The following PGM2 variants were observed in gnomAD, a reference collection of about 807,000 sequenced individuals.
PGM2 encodes phosphoglucomutase 2.
A neutral mutation model predicts 74.6 loss-of-function variants in PGM2; 57 were observed. The ratio of observed to expected loss-of-function variants is 0.76; its 90% CI spans 0.62 to 0.95. The LOEUF (loss-of-function observed/expected upper bound fraction) is 0.95, where lower values mean the gene tolerates loss of function less well. Ranked by LOEUF, PGM2 falls within the 40% of genes least tolerant of loss-of-function variation. The probability of loss-of-function intolerance (pLI) is 0.00; values close to 1 mark genes in which losing one functional copy is unlikely to be tolerated. For missense variants in PGM2, 706 were observed against 741.9 expected (o/e 0.95, Z 0.56); for synonymous variants, 273 against 260.7 (o/e 1.05, Z -0.46).
At chr4:37,849,503 C>T (rs1320902754) in intron 11 of PGM2, among the ~76,000 whole-genome samples, 1 of 144,326 alleles carries the variant, frequency 6.9e-6, no homozygotes, top group Non-Finnish European at 1.5e-5. Flanking sequence ...CCTCTGCCTC[C>T]TGGGTTCAAG....
rs1726004084 is a variant in PGM2 at position 37,850,321 on chromosome 4, C to T, written c.1550C>T (p.Ala517Val). 1.3e-6 allele frequency: 2 copies of T among 1,588,338 alleles called. No individual in the cohort carries two copies. The highest frequency in any genetic ancestry group is 1.4e-5 in the African/African-American group (1 of 72,916). ...GCTTGTGGCAAATTTGAAATTTCTGCCATTAGGGACCTTACAACTGGCTAT... is the reference window on the plus strand; with the variant it reads ...GCTTGTGGCAAATTTGAAATTTCTGTCATTAGGGACCTTACAACTGGCTAT... ...PKACGKFEIS[A>V]IRDLTTGYDD... is the part of the protein sequence containing the mutation. Residue 517 changes from alanine (A) to valine (V), a missense_variant, in exon 12 of 14, where the codon GCC (alanine) becomes GTC (valine). Ala to Val is a moderately conservative substitution (Grantham distance 64). Coordinates refer to ENST00000381967, the MANE Select transcript of PGM2 (RefSeq NM_018290.4).
rs776570516 is a variant in PGM2, at chr4:37,840,113, GA to G, written c.574del (p.Ile192PhefsTer9). 1 of 1,613,996 alleles carries G rather than the reference GA, an allele frequency of 6.2e-7. No individual in the cohort carries two copies. Among genetic ancestry groups the G allele is most frequent in the South Asian group, 1.1e-5 (1 of 91,078 alleles). ...AGATCATTTCTCCTCACGATAAAGG[GA>G]TTTCTCAAGCTATTGAAGAAAATCT... is the stretch of plus-strand genomic sequence containing the variant. The part of the protein sequence containing the change: ...AQIISPHDKG[I>X]SQAIEENLEP... On this transcript the variant is annotated frameshift_variant, in exon 6 of 14. Transcript: ENST00000381967. LOFTEE classifies it high-confidence loss of function.
chr4:37,845,516 A>G (rs1168408809), intron 7 of PGM2, 117 bp from the exon 8 acceptor site: 2 of 685,358 alleles, frequency 2.9e-6, no homozygotes, highest in Admixed American at 2.4e-5. Context: ...TTGGTCCTAT[A>G]TTATCTTTCT....
At chr4:37,851,985 CAG>C (rs1187659441) in intron 12 of PGM2, among the ~76,000 whole-genome samples, 1 of 41,344 alleles carries the variant, frequency 2.4e-5, no homozygotes, top group Non-Finnish European at 7.8e-5. Context: ...TTTTTGGAGA[CAG>C]GGTCTTGCTG....
intron 12 of PGM2, among the ~76,000 whole-genome samples, chr4:37,854,807 G>A (rs1726148165): frequency 1.3e-5 from 2 of 151,934 alleles, no homozygotes; most frequent in Admixed American, 6.6e-5. Flanking sequence ...GTGAAATGAT[G>A]TGTTTAAATA....
In PGM2 at chr4:37,826,711, C is replaced by T. The variant is rs913907456; in HGVS notation, c.-22C>T. Reference sequence around the variant, plus strand: ...AGATCTCACCGCCTGCTTCCCTCTGCAGCGGTAGCACAAGCTCAGCGATGG... The same window carrying T: ...AGATCTCACCGCCTGCTTCCCTCTGTAGCGGTAGCACAAGCTCAGCGATGG... On this transcript the variant is annotated 5_prime_UTR_variant, in exon 1 of 14. Transcript: ENST00000381967. 7.1e-6 allele frequency: 11 copies of T among 1,539,348 alleles called. No individual in the cohort carries two copies. The highest frequency in any genetic ancestry group is 1.4e-5 in the African/African-American group (1 of 72,872).
intron 13 of PGM2, among the ~76,000 whole-genome samples, chr4:37,860,915 T>C (rs772812956): frequency 6.6e-6 from 1 of 152,172 alleles, no homozygotes; most frequent in African/African-American, 2.4e-5. Context: ...TGTGAATCTT[T>C]GGTTCAAGAA....
intron 7 of PGM2, 86 bp from the exon 8 acceptor site, chr4:37,845,544 TTGA>T (rs1308507775): frequency 1.1e-6 from 1 of 880,714 alleles, no homozygotes; most frequent in African/African-American, 1.7e-5. Flanking sequence ...GAAAGACCTC[TTGA>T]GTTCTTAAGG....
chr4:37,847,411 G>A, intron 10 of PGM2, 116 bp downstream of exon 10: 4 of 702,124 alleles, frequency 5.7e-6, no homozygotes, highest in Non-Finnish European at 2.4e-6. Context: ...CAGCACTCAG[G>A]TTGAATGTCG....
At chr4:37,842,252 T>C (rs1363038174) in intron 6 of PGM2, among the ~76,000 whole-genome samples, 1 of 150,704 alleles carries the variant, frequency 6.6e-6, no homozygotes, top group East Asian at 1.9e-4. Flanking sequence ...TGGAATTTTC[T>C]ATTGAAACTG....
At chr4:37,837,084 C>A (rs1022090162) in intron 3 of PGM2, among the ~76,000 whole-genome samples, 15 of 152,144 alleles carry the variant, frequency 9.9e-5, no homozygotes, top group Admixed American at 2.6e-4. Flanking sequence ...TTCAGCAGCA[C>A]CCCTGACCTC....
In PGM2 at chr4:37,843,881, T is replaced by C. The variant is rs115945170; in HGVS notation, c.720-483T>C. On this transcript the variant is annotated intron_variant, in intron 6 of 13. Transcript: ENST00000381967. ...GCCTCGGCCTCCCAAAGTAAAAGTT[T>C]TATTTTTTATATCTTTATGTATGGG... Among the ~76,000 whole-genome samples the C allele has an allele frequency of 2.5e-3, 376 of 152,350 alleles. 2 individuals are homozygous for C. Among genetic ancestry groups the C allele is most frequent in the African/African-American group, 8.6e-3 (359 of 41,574 alleles).
At chr4:37,831,146 T>C (rs1725430992) in intron 2 of PGM2, among the ~76,000 whole-genome samples, 1 of 139,484 alleles carries the variant, frequency 7.2e-6, no homozygotes, top group Non-Finnish European at 1.5e-5. Flanking sequence ...TGAGCCGACA[T>C]TGTGCCACTG....
intron 11 of PGM2, 109 bp downstream of exon 11, chr4:37,848,760 A>T: frequency 1.1e-6 from 1 of 878,374 alleles, no homozygotes; most frequent in Non-Finnish European, 1.8e-6. Context: ...TTTGGTGATG[A>T]ATTCTATTTC....
chr4:37,860,844 C>A (rs930205014), intron 13 of PGM2, among the ~76,000 whole-genome samples: 1 of 152,094 alleles, frequency 6.6e-6, no homozygotes, highest in African/African-American at 2.4e-5. Flanking sequence ...TTGCCCACAG[C>A]CCTGAAAACT....
At chr4:37,858,340 GTTTTTTGTT>G (rs1560422481) in intron 13 of PGM2, among the ~76,000 whole-genome samples, 1 of 151,184 alleles carries the variant, frequency 6.6e-6, no homozygotes, top group African/African-American at 2.4e-5. Flanking sequence ...TTTTTGTTTT[GTTTTTTGTT>G]TTTTTTTTAA....
intron 4 of PGM2, 90 bp from the exon 5 acceptor site, chr4:37,839,758 G>A: frequency 1.3e-6 from 1 of 758,774 alleles, no homozygotes; most frequent in South Asian, 1.5e-5. Context: ...AAGGGAGCAA[G>A]TTGGCATGAA....
At chr4:37,859,375 A>G (rs369266107) in intron 13 of PGM2, among the ~76,000 whole-genome samples, 1 of 152,196 alleles carries the variant, frequency 6.6e-6, no homozygotes, top group Admixed American at 6.6e-5. Context: ...CAAGGAATCA[A>G]CCTGTGCAAT....
intron 6 of PGM2, among the ~76,000 whole-genome samples, chr4:37,843,663 G>A (rs1273830218): frequency 6.7e-6 from 1 of 150,366 alleles, no homozygotes; most frequent in East Asian, 1.9e-4. Flanking sequence ...AGGTTGGAAT[G>A]CAGTGGCACA....
Sources: gnomAD v4.1 joint callset for allele counts (sites outside exome capture counted in the v4.1 genomes callset) on GRCh38, gnomAD v4.1.1 for gene constraint, MANE v1.5 for transcripts, NCBI Gene and HGNC (gene_info 2026-07-23, HGNC 2026-07-21) for gene names.